FCHO2: variants seen among roughly 807,000 people sequenced by gnomAD.
The protein encoded by FCHO2 is FCH and mu domain containing endocytic adaptor 2.
FCHO2 carries 43 observed loss-of-function variants against 114.1 expected under a neutral mutation model. The ratio of observed to expected loss-of-function variants is 0.38; its 90% CI spans 0.30 to 0.49. The LOEUF is 0.49. FCHO2 is among the 20% of genes least tolerant of loss of function. The probability of loss-of-function intolerance (pLI) is 0.97; values close to 1 mark genes in which losing one functional copy is unlikely to be tolerated. For missense variants in FCHO2, 807 were observed against 950.4 expected, an observed-to-expected ratio of 0.85 and a Z score of 1.98; for synonymous variants, 293 against 315.2, an observed-to-expected ratio of 0.93 and a Z score of 0.75.
At chr5:73,018,190 A>T (rs1429568483) in intron 8 of FCHO2, among the ~76,000 whole-genome samples, 1 of 152,188 alleles carries the variant, frequency 6.6e-6, no homozygotes, top group Non-Finnish European at 1.5e-5. Context: ...TGAAACCTAA[A>T]TCATCTTTAA....
Position 73,064,065 on chromosome 5 carries a change from T to C in FCHO2, c.1449+121T>C, listed in dbSNP as rs116280882. On this transcript the variant is annotated intron_variant, in intron 18 of 25. Coordinates refer to ENST00000430046, the MANE Select transcript of FCHO2 (RefSeq NM_138782.3). ...GTTTTCTACCCATGTCCTCACAGTA[T>C]AGAAAAATTTTCCCAGCTAGTGCTT... 8.9e-4 allele frequency: 810 copies of C among 914,460 alleles called. 8 individuals are homozygous for C. The African/African-American group carries it at 0.012, about 14-fold the overall frequency. The allele number at this position is 914,460 out of a possible 1,614,324, so 56.6% of individuals were successfully genotyped here.
intron 11 of FCHO2, among the ~76,000 whole-genome samples, chr5:73,050,596 C>T (rs1310898737): frequency 6.6e-6 from 1 of 152,106 alleles, no homozygotes; most frequent in Non-Finnish European, 1.5e-5. Context: ...GAACTACAGG[C>T]GTGAGCCACT....
At chr5:73,060,446 A>G (rs111513536) in intron 17 of FCHO2, among the ~76,000 whole-genome samples, 3 of 152,202 alleles carry the variant, frequency 2.0e-5, no homozygotes, top group Admixed American at 6.5e-5. Context: ...CTCCTGTTTT[A>G]CAGAACTGGC....
rs184397796 is a variant in FCHO2, at chr5:72,978,369, A to C, written c.125+9780A>C. Among the ~76,000 whole-genome samples, 4 of 152,248 alleles carry C rather than the reference A, an allele frequency of 2.6e-5. No homozygotes were observed. The East Asian group carries it at 7.7e-4, about 29-fold the overall frequency. ...CTAGGTATTTTATTCTTTTTGTGGCAATTGTGAATGGGAGTTCACTCATGA... is the reference window on the plus strand; with the variant it reads ...CTAGGTATTTTATTCTTTTTGTGGCCATTGTGAATGGGAGTTCACTCATGA... On this transcript the variant is annotated intron_variant, in intron 2 of 25. Transcript: ENST00000430046.
At chr5:73,035,116 T>C (rs563523802) in intron 9 of FCHO2, among the ~76,000 whole-genome samples, 38 of 152,280 alleles carry the variant, frequency 2.5e-4, no homozygotes, top group South Asian at 1.2e-3. Context: ...CATTAATTTA[T>C]GTTAATATTA....
Position 73,068,681 on chromosome 5 carries a change from A to G in FCHO2, c.1481A>G (p.Asn494Ser), listed in dbSNP as rs201594850. The change falls in exon 19 of 26, where the codon AAC becomes AGC. Residue 494 changes from asparagine (N) to serine (S), a missense_variant. By Grantham distance (46) the Asn-to-Ser change is conservative. Transcript: ENST00000430046. ...CCATTCAGCCCACCTGTAACTTCCA[A>G]CACCAGCCCACCTCCTGCTGCACCA... is the stretch of plus-strand genomic sequence containing the variant. ...PRPFSPPVTS[N>S]TSPPPAAPLA... is the part of the protein sequence containing the mutation. The G allele has an allele frequency of 6.0e-5, 96 of 1,612,148 alleles. No homozygotes were observed. Among genetic ancestry groups the G allele is most frequent in the Non-Finnish European group, 7.0e-5 (83 of 1,178,916 alleles).
At chr5:73,043,887 G>C (rs538941165) in intron 11 of FCHO2, among the ~76,000 whole-genome samples, 1 of 152,268 alleles carries the variant, frequency 6.6e-6, no homozygotes, top group South Asian at 2.1e-4. Flanking sequence ...ATGGGGTCTT[G>C]CTCTGTGGCT....
At chr5:72,997,359 G>C in intron 5 of FCHO2, 2 of 1,591,550 alleles carry the variant, frequency 1.3e-6, no homozygotes, top group Non-Finnish European at 1.7e-6. Context: ...AATAGCAGAA[G>C]CATTCTTAAG....
chr5:73,087,123 T>TTTTA (rs1314093499), intron 24 of FCHO2, among the ~76,000 whole-genome samples: 2 of 152,208 alleles, frequency 1.3e-5, no homozygotes, highest in African/African-American at 4.8e-5. Context: ...GGCATTATGT[T>TTTTA]AGACCAGTAA....
At chr5:72,976,324 C>G (rs1752873884) in intron 2 of FCHO2, among the ~76,000 whole-genome samples, 1 of 152,106 alleles carries the variant, frequency 6.6e-6, no homozygotes, top group Non-Finnish European at 1.5e-5. Flanking sequence ...AGTGATCCTC[C>G]TTGCCCAGCC....
intron 23 of FCHO2, 72 bp downstream of exon 23, chr5:73,082,054 C>G: frequency 7.5e-7 from 1 of 1,329,824 alleles, no homozygotes; most frequent in Non-Finnish European, 9.9e-7. Flanking sequence ...AACCCAAGTT[C>G]TGTAAGTTTT....
At chr5:73,051,484 A>G (rs1290080389) in intron 12 of FCHO2, 78 bp downstream of exon 12, 1 of 811,882 alleles carries the variant, frequency 1.2e-6, no homozygotes, top group Non-Finnish European at 1.9e-6. Flanking sequence ...CATGTATTAA[A>G]GCCTCTTCCA....
intron 2 of FCHO2, among the ~76,000 whole-genome samples, chr5:72,980,829 ATG>A (rs1248126496): frequency 2.0e-5 from 3 of 151,762 alleles, no homozygotes; most frequent in Admixed American, 6.6e-5. Flanking sequence ...TTTTGTGCTT[ATG>A]TGTGTCTTTG....
intron 1 of FCHO2, among the ~76,000 whole-genome samples, chr5:72,966,413 T>G: frequency 6.6e-6 from 1 of 152,080 alleles, no homozygotes; most frequent in Admixed American, 6.6e-5. Context: ...GCCTCTGGAG[T>G]AGCTGGGATT....
chr5:73,002,033 A>T (rs1336820736), intron 5 of FCHO2, among the ~76,000 whole-genome samples: 1 of 152,332 alleles, frequency 6.6e-6, no homozygotes, highest in Non-Finnish European at 1.5e-5. Flanking sequence ...GGTACGCTTC[A>T]TAAAACTTCT....
At chr5:73,074,256 C>T (rs1742808588) in intron 19 of FCHO2, among the ~76,000 whole-genome samples, 1 of 150,634 alleles carries the variant, frequency 6.6e-6, no homozygotes, top group South Asian at 2.1e-4. Flanking sequence ...TGTGGGAATA[C>T]AATACAAGCA....
intron 6 of FCHO2, 112 bp downstream of exon 6, chr5:73,006,661 C>G: frequency 1.5e-6 from 1 of 658,116 alleles, no homozygotes; most frequent in Non-Finnish European, 2.3e-6. Flanking sequence ...TGCACAATCT[C>G]AATTTGTTAA....
intron 11 of FCHO2, among the ~76,000 whole-genome samples, chr5:73,045,409 T>C (rs1380871777): frequency 6.6e-6 from 1 of 152,216 alleles, no homozygotes; most frequent in Non-Finnish European, 1.5e-5. Flanking sequence ...TGGAGATGTA[T>C]CCAGGTTGTG....
chr5:73,025,472 G>A (rs1397287165), intron 8 of FCHO2, among the ~76,000 whole-genome samples: 4 of 151,104 alleles, frequency 2.6e-5, no homozygotes, highest in African/African-American at 4.9e-5. Context: ...TCCGCCTGCC[G>A]GGTTCAAGCA....
Sources: allele counts gnomAD v4.1 joint callset (sites outside exome capture counted in the v4.1 genomes callset), GRCh38; gene constraint gnomAD v4.1.1; transcripts MANE v1.5; gene names NCBI Gene and HGNC (gene_info 2026-07-23, HGNC 2026-07-21).